The following RADIL variants were observed in gnomAD, a reference collection of about 807,000 sequenced individuals.
The protein encoded by RADIL is ras-associating and dilute domain-containing protein.
Under a neutral mutation model 97.6 loss-of-function variants are expected in RADIL, and 99 were observed. The observed-to-expected ratio is 1.01, with a 90% CI of 0.86 to 1.20. RADIL has a LOEUF of 1.20. RADIL is among the 50% of genes most tolerant of loss of function. The probability of loss-of-function intolerance (pLI) is 0.00; values close to 1 mark genes in which losing one functional copy is unlikely to be tolerated. For synonymous variants in RADIL, 803 were observed against 691.8 expected (o/e 1.16, Z -2.52); for missense variants, 1,765 against 1,498.9 (o/e 1.18, Z -2.93).
In RADIL at chr7:4,878,090, A is replaced by C; in HGVS notation, c.50T>G (p.Leu17Arg). The C allele has an allele frequency of 6.3e-7, 1 of 1,591,338 alleles. No homozygotes were observed. The highest frequency in any genetic ancestry group is 8.5e-7 in the Non-Finnish European group (1 of 1,169,928). Residue 17 changes from leucine to arginine, a missense_variant, in exon 2 of 15, where the codon CTG (leucine) becomes CGG (arginine). Leu to Arg is a moderately radical substitution (Grantham distance 102, BLOSUM62 -2). Transcript: ENST00000399583. The surrounding 1 kb of genome is among the most constrained non-coding windows in gnomAD (Gnocchi z 4.1). The part of the protein sequence containing the change: ...FIMSPPTKSK[L>R]KRQSQLLSSM... The stretch of plus-strand genomic sequence containing the variant: ...GGACAACAGCTGGCTCTGCCGCTTC[A>C]GTTTGCTCTTGGTGGGCGGGGACAT...
At position 4,802,029 on chromosome 7, in the gene RADIL, G is replaced by T. The variant is rs58237643; in HGVS notation, c.2500-34C>A. On this transcript the variant is annotated intron_variant, in intron 11 of 14. Transcript: ENST00000399583. ...AGGAAGGGTGACAGCTCAGGTAGAGGAGTGGCCAGGTGGACACAGCACTCG... is the reference window on the plus strand; with the variant it reads ...AGGAAGGGTGACAGCTCAGGTAGAGTAGTGGCCAGGTGGACACAGCACTCG... The T allele has an allele frequency of 7.4e-3, 10,708 of 1,450,234 alleles. 656 individuals carry two copies. In the African/African-American group the frequency reaches 0.13, roughly 18 times the overall value. 89.8% of individuals were successfully genotyped at this position (1,450,234 alleles called of 1,614,324 possible).
At position 4,865,400 on chromosome 7, in the gene RADIL, C is replaced by T. The variant is rs1262156667; in HGVS notation, c.535+12205G>A. 4 of 630,900 alleles carry T rather than the reference C, an allele frequency of 6.3e-6. No homozygotes were observed. In the Admixed American group the frequency reaches 1.1e-4, roughly 17 times the overall value. The allele number at this position is 630,900 out of a possible 1,614,324, so 39.1% of individuals were successfully genotyped here. A position where few individuals can be genotyped will look rare whatever the true frequency, so the allele number is the denominator to read the frequency against. On this transcript the variant is annotated intron_variant, in intron 2 of 14. Transcript: ENST00000399583. Reference sequence around the variant, plus strand: ...GTTGTTCCCAAGTTTTATTCAAGAACTCATACAAAATATTTCAGATAAATG... The same window carrying T: ...GTTGTTCCCAAGTTTTATTCAAGAATTCATACAAAATATTTCAGATAAATG...
rs528200073 is a variant in RADIL at position 4,830,974 on chromosome 7, C to T, written c.1454+1167G>A. Among the ~76,000 whole-genome samples the T allele has an allele frequency of 1.0e-3, 154 of 151,526 alleles. 1 individual carries two copies. The highest frequency in any genetic ancestry group is 3.6e-3 in the African/African-American group (148 of 41,194). ...AGGCAAAGCTTGCAGTAAGCCGACA[C>T]TGCGCCATAGCACTCTAGCCTGGGC... On this transcript the variant is annotated intron_variant, in intron 5 of 14. Transcript: ENST00000399583.
intron 2 of RADIL, among the ~76,000 whole-genome samples, chr7:4,853,690 C>G (rs901052300): frequency 7.0e-6 from 1 of 142,760 alleles, no homozygotes; most frequent in Non-Finnish European, 1.5e-5. Flanking sequence ...TGTGGTGAGC[C>G]GAGATCACGC....
chr7:4,843,569 G>C (rs1783498059), intron 2 of RADIL, among the ~76,000 whole-genome samples: 1 of 152,200 alleles, frequency 6.6e-6, no homozygotes, highest in Non-Finnish European at 1.5e-5. Flanking sequence ...GCCATGGCCA[G>C]CCTGACTCTG....
intron 13 of RADIL, 71 bp downstream of exon 13, chr7:4,800,100 G>C: frequency 6.5e-7 from 1 of 1,532,080 alleles, no homozygotes; most frequent in Non-Finnish European, 8.7e-7. Flanking sequence ...GCAAGCTGCG[G>C]CCAGGCTTGC....
chr7:4,813,076 C>T lies in RADIL; in HGVS notation c.2139+2202G>A, dbSNP rs896372755. Among the ~76,000 whole-genome samples the T allele has an allele frequency of 6.7e-5, 8 of 119,670 alleles. No individual in the cohort carries two copies. The highest frequency in any genetic ancestry group is 2.6e-4 in the African/African-American group (7 of 26,866). 78.5% of individuals were successfully genotyped at this position (119,670 alleles called of 152,430 possible). ...CATCCTTACCCCAAGGTTCTTCTTTCTCTCTCTCTCTCTCTCTCTCTCTCT... is the reference window on the plus strand; with the variant it reads ...CATCCTTACCCCAAGGTTCTTCTTTTTCTCTCTCTCTCTCTCTCTCTCTCT... On this transcript the variant is annotated intron_variant, in intron 9 of 14. Transcript: ENST00000399583. This position sits in a 1 kb window ranked among gnomAD's most constrained non-coding sequence, Gnocchi z 5.0.
Position 4,861,326 on chromosome 7 carries a change from A to C in RADIL, c.535+16279T>G, listed in dbSNP as rs1200798974. 6 of 1,613,932 alleles carry C rather than the reference A, an allele frequency of 3.7e-6. No homozygotes were observed. In the East Asian group the frequency reaches 1.1e-4, roughly 30 times the overall value. On this transcript the variant is annotated intron_variant, in intron 2 of 14. Transcript: ENST00000399583. ...TAAAATATCAATCTCTATCCCATCAAAACACAGTTTGATAACTGGCACAAA... is the reference window on the plus strand; with the variant it reads ...TAAAATATCAATCTCTATCCCATCACAACACAGTTTGATAACTGGCACAAA...
At chr7:4,845,042 GA>G (rs35995078) in intron 2 of RADIL, among the ~76,000 whole-genome samples, 10 of 148,628 alleles carry the variant, frequency 6.7e-5, no homozygotes, top group Admixed American at 2.0e-4. Context: ...ACCTACGTAG[GA>G]AAAAAAAAAG....
chr7:4,814,866 C>G lies in RADIL; in HGVS notation c.2139+412G>C, dbSNP rs957216837. ...TCCAGCTTCTAGAGGCCACTGCACT[C>G]CTGTGCTCCTGGCCCCTCCTCCAGC... On this transcript the variant is annotated intron_variant, in intron 9 of 14. Transcript: ENST00000399583. This position sits in a 1 kb window ranked among gnomAD's most constrained non-coding sequence, Gnocchi z 4.5. Among the ~76,000 whole-genome samples, 3 of 152,244 alleles carry G rather than the reference C, an allele frequency of 2.0e-5. No individual in the cohort carries two copies. Among genetic ancestry groups the G allele is most frequent in the Admixed American group, 6.5e-5 (1 of 15,284 alleles).
At chr7:4,799,601 G>A (rs1782006674) in intron 14 of RADIL, 29 bp downstream of exon 14, 4 of 1,605,094 alleles carry the variant, frequency 2.5e-6, no homozygotes, top group Admixed American at 1.7e-5. Flanking sequence ...TCTGGGAGAA[G>A]GGGCCGGGCG....
In RADIL at chr7:4,860,884, A is replaced by G. The variant is rs372802786; in HGVS notation, c.535+16721T>C. ...TGATGATAGGCATAAGATGGTACCT[A>G]TCACTGGGATTTACTCTTGGGTCCC... On this transcript the variant is annotated intron_variant, in intron 2 of 14. Coordinates refer to ENST00000399583, the MANE Select transcript of RADIL (RefSeq NM_018059.5). 9.8e-5 allele frequency: 158 copies of G among 1,614,088 alleles called. 1 individual carries two copies. The highest frequency in any genetic ancestry group is 9.2e-5 in the Non-Finnish European group (109 of 1,180,032).
Position 4,836,573 on chromosome 7 carries a change from T to TC in RADIL, c.567dup (p.Ser190GlufsTer28). On this transcript the variant is annotated frameshift_variant, in exon 3 of 15. Transcript: ENST00000399583. ...GGGGTCGGGGTTCCCTTCGCGCGACTCCGCTGCAGCCTCCGGGCCTGGGCG... is the reference window on the plus strand; with the variant it reads ...GGGGTCGGGGTTCCCTTCGCGCGACTCCCGCTGCAGCCTCCGGGCCTGGGCG... 1 of 1,607,338 alleles carries TC rather than the reference T, an allele frequency of 6.2e-7. No homozygotes were observed. Among genetic ancestry groups the TC allele is most frequent in the Non-Finnish European group, 8.5e-7 (1 of 1,179,458 alleles).
intron 5 of RADIL, among the ~76,000 whole-genome samples, chr7:4,823,400 C>A (rs1434401295): frequency 6.7e-6 from 1 of 150,256 alleles, no homozygotes. Flanking sequence ...GAACTCCTAG[C>A]CTTAAGCAAT....
At position 4,817,157 on chromosome 7, in the gene RADIL, T is replaced by A; in HGVS notation, c.1728+82A>T. On this transcript the variant is annotated intron_variant, in intron 7 of 14. Transcript: ENST00000399583. This position sits in a 1 kb window ranked among gnomAD's most constrained non-coding sequence, Gnocchi z 8.3. ...CTCCCTCAGCCCCCCAGAAGGCTCC[T>A]TAGGAGAGCCACAGGCACAAGCTTG... 4 of 1,275,956 alleles carry A rather than the reference T, an allele frequency of 3.1e-6. No individual in the cohort carries two copies. The highest frequency in any genetic ancestry group is 4.4e-6 in the Non-Finnish European group (4 of 900,870). The allele number at this position is 1,275,956 out of a possible 1,614,324, so 79.0% of individuals were successfully genotyped here.
At chr7:4,877,530 C>T (rs77532656) in intron 2 of RADIL, 75 bp downstream of exon 2, 3 of 1,498,226 alleles carry the variant, frequency 2.0e-6, no homozygotes, top group Non-Finnish European at 2.7e-6. Flanking sequence ...CTGCACCACT[C>T]CTTCTCCGCC....
intron 12 of RADIL, 102 bp from the exon 13 acceptor site, chr7:4,800,412 G>A: frequency 1.6e-6 from 2 of 1,243,760 alleles, no homozygotes; most frequent in Non-Finnish European, 2.1e-6. Flanking sequence ...GTCAGGGATG[G>A]GATGGCCTCC....
Position 4,817,601 on chromosome 7 carries a change from TGCCCA to T in RADIL, c.1616-255_1616-251del, listed in dbSNP as rs1274299630. ...GGGGTCCAGACACCCAACATCTCAA[TGCCCA>T]GCCCAGCCCAGCCCAAGCGCTCATT... is the stretch of plus-strand genomic sequence containing the variant. On this transcript the variant is annotated intron_variant, in intron 6 of 14. Coordinates refer to ENST00000399583, the MANE Select transcript of RADIL (RefSeq NM_018059.5). The surrounding 1 kb of genome is among the most constrained non-coding windows in gnomAD (Gnocchi z 8.3). Among the ~76,000 whole-genome samples, 2 of 152,008 alleles carry T rather than the reference TGCCCA, an allele frequency of 1.3e-5. No individual in the cohort carries two copies. The highest frequency in any genetic ancestry group is 2.9e-5 in the Non-Finnish European group (2 of 67,978).
intron 5 of RADIL, among the ~76,000 whole-genome samples, chr7:4,825,549 G>T (rs1165740756): frequency 1.3e-5 from 2 of 152,024 alleles, no homozygotes; most frequent in African/African-American, 4.8e-5. Context: ...CACCCAGGAA[G>T]AAAGGAAGAA....
Sources: gnomAD v4.1 joint callset for allele counts (sites outside exome capture counted in the v4.1 genomes callset) on GRCh38, gnomAD v4.1.1 for gene constraint, Gnocchi (gnomAD v3.1) non-coding constraint, MANE v1.5 for transcripts, NCBI Gene and HGNC (gene_info 2026-07-23, HGNC 2026-07-21) for gene names.